Variants in COL22A1 observed in about 807,000 individuals in gnomAD.
COL22A1 encodes the protein collagen alpha-1(XXII) chain.
COL22A1 carries 221 observed loss-of-function variants against 248.9 expected under a neutral mutation model. That is an observed-to-expected ratio of 0.89 (90% CI 0.80 to 0.99). The LOEUF (loss-of-function observed/expected upper bound fraction) is 0.99, where lower values mean the gene tolerates loss of function less well. Ranked by LOEUF, COL22A1 falls within the 50% of genes least tolerant of loss-of-function variation. The pLI, the probability that COL22A1 is intolerant of heterozygous loss-of-function variation, is 0.00. For missense variants in COL22A1, 2,240 were observed against 2,179.0 expected (o/e 1.03, Z -0.56); for synonymous variants, 891 against 793.4 (o/e 1.12, Z -2.07).
At chr8:138,685,927 G>A (rs1826313245) in intron 37 of COL22A1, among the ~76,000 whole-genome samples, 2 of 152,134 alleles carry the variant, frequency 1.3e-5, no homozygotes, top group Admixed American at 6.5e-5. Context: ...CCCACCCAGT[G>A]CGGGCAAATC....
chr8:138,623,677 T>C (rs7839790), intron 52 of COL22A1, 55 bp downstream of exon 52: 1 of 1,468,266 alleles, frequency 6.8e-7, no homozygotes, highest in Non-Finnish European at 9.4e-7. Context: ...AGTAGTTGTT[T>C]TTGACATGTA....
chr8:138,786,393 C>T (rs1815519820), intron 12 of COL22A1, among the ~76,000 whole-genome samples: 1 of 152,200 alleles, frequency 6.6e-6, no homozygotes, highest in Non-Finnish European at 1.5e-5. Flanking sequence ...AAACATCCAC[C>T]TGCAAGTCAT....
In COL22A1 at chr8:138,762,463, C is replaced by G. The variant is rs1833566433; in HGVS notation, c.1807G>C (p.Glu603Gln). 1.2e-6 allele frequency: 2 copies of G among 1,614,052 alleles called. No individual in the cohort carries two copies. Among genetic ancestry groups the G allele is most frequent in the African/African-American group, 2.7e-5 (2 of 74,946 alleles). The change falls in exon 17 of 65, where the codon GAG (glutamate) becomes CAG (glutamine). Residue 603 changes from glutamate (E) to glutamine (Q), a missense_variant. Physicochemically the swap from Glu to Gln is conservative, Grantham distance 29. Coordinates refer to ENST00000303045, the MANE Select transcript of COL22A1 (RefSeq NM_152888.3). ...CCAGGGAATCCATCCAGGCCTCGCT[C>G]TCCCTGGCAAAAGAAGGCAAATGGT... is the stretch of plus-strand genomic sequence containing the variant. ...GEKGTRGEKG[E>Q]RGLDGFPGKP...
Position 138,796,675 on chromosome 8 carries a change from T to C in COL22A1, c.1596+144A>G, listed in dbSNP as rs557369745. 44 of 691,384 alleles carry C rather than the reference T, an allele frequency of 6.4e-5. No individual in the cohort carries two copies. In the East Asian group the frequency reaches 8.2e-4, roughly 13 times the overall value. The allele number at this position is 691,384 out of a possible 1,614,324, so 42.8% of individuals were successfully genotyped here. On this transcript the variant is annotated intron_variant, in intron 12 of 64. Transcript: ENST00000303045. ...CCACCCAAGCCATGGAGGACACACA[T>C]TGAGGCCAGTTACACAGCCCAGGAC...
At chr8:138,834,908 T>A (rs530979862) in intron 4 of COL22A1, among the ~76,000 whole-genome samples, 12 of 152,250 alleles carry the variant, frequency 7.9e-5, no homozygotes, top group Admixed American at 7.2e-4. Flanking sequence ...AAATCCTGGC[T>A]CCAGGAGAAC....
chr8:138,783,892 G>C (rs73720787), intron 12 of COL22A1, among the ~76,000 whole-genome samples: 1,676 of 152,256 alleles, frequency 0.011, 36 homozygotes, highest in African/African-American at 0.038. Flanking sequence ...TGAGGCCCTG[G>C]CCTACCAGAC....
At chr8:138,838,670 C>CAAAAAA (rs58257635) in intron 4 of COL22A1, among the ~76,000 whole-genome samples, 26 of 133,858 alleles carry the variant, frequency 1.9e-4, no homozygotes, top group South Asian at 2.4e-4. Flanking sequence ...CAAAGGGCAC[C>CAAAAAA]AAAAAAAAAA....
chr8:138,713,458 G>A (rs141821423), intron 30 of COL22A1, among the ~76,000 whole-genome samples: 52 of 152,312 alleles, frequency 3.4e-4, no homozygotes, highest in African/African-American at 1.2e-3. Flanking sequence ...AACATACTGA[G>A]TATACGGAAC....
At position 138,833,107 on chromosome 8, in the gene COL22A1, C is replaced by A; in HGVS notation, c.777G>T (p.Gly259=). The change falls in exon 5 of 65, where the codon GGG becomes GGT. Residue 259 remains glycine, a synonymous_variant. Coordinates refer to ENST00000303045, the MANE Select transcript of COL22A1 (RefSeq NM_152888.3). The part of the protein sequence containing the change: ...MDLFSVKEIL[G]KRENGAQSSY... ...AACTCTGAGCTCCATTCTCTCTCTT[C>A]CCCAAGATTTCCTTCACACTGAACA... 1 of 1,613,950 alleles carries A rather than the reference C, an allele frequency of 6.2e-7. No homozygotes were observed. The highest frequency in any genetic ancestry group is 8.5e-7 in the Non-Finnish European group (1 of 1,179,816).
At chr8:138,592,810 A>T (rs530999714) in intron 63 of COL22A1, among the ~76,000 whole-genome samples, 1 of 152,318 alleles carries the variant, frequency 6.6e-6, no homozygotes, top group African/African-American at 2.4e-5. Flanking sequence ...TTCAAAAATT[A>T]TTATTAATTA....
At chr8:138,655,555 T>A (rs1011049664) in intron 45 of COL22A1, among the ~76,000 whole-genome samples, 7 of 152,078 alleles carry the variant, frequency 4.6e-5, no homozygotes, top group Non-Finnish European at 8.8e-5. Context: ...TTGGTAGAGA[T>A]CAGGTCTCTC....
rs1827348142 is a variant in COL22A1 at position 138,694,627 on chromosome 8, G to T, written c.2647-66C>A. ...GGTTCTGAGCAGATGGGCGGATGGG[G>T]CGGGGACGTTGCAATGGGTATAATT... On this transcript the variant is annotated intron_variant, in intron 33 of 64. Transcript: ENST00000303045. 1.9e-6 allele frequency: 3 copies of T among 1,548,008 alleles called. 1 individual carries two copies. In the East Asian group the frequency reaches 6.8e-5, roughly 35 times the overall value.
At chr8:138,708,003 G>A (rs1828620703) in intron 30 of COL22A1, among the ~76,000 whole-genome samples, 1 of 152,126 alleles carries the variant, frequency 6.6e-6, no homozygotes, top group South Asian at 2.1e-4. Flanking sequence ...CAGAAAAACA[G>A]AGAGCCAAAT....
chr8:138,809,853 C>A (rs1285093284), intron 9 of COL22A1, among the ~76,000 whole-genome samples: 1 of 152,204 alleles, frequency 6.6e-6, no homozygotes, highest in Non-Finnish European at 1.5e-5. Flanking sequence ...TGTCTTCATA[C>A]CCTGATTGAC....
chr8:138,904,276 A>G (rs1396901486), intron 1 of COL22A1, among the ~76,000 whole-genome samples: 1 of 152,080 alleles, frequency 6.6e-6, no homozygotes, highest in African/African-American at 2.4e-5. Flanking sequence ...ATGCTTTTCC[A>G]GAATTACCCC....
chr8:138,772,818 G>T (rs193061225), intron 16 of COL22A1, among the ~76,000 whole-genome samples: 1 of 152,094 alleles, frequency 6.6e-6, no homozygotes, highest in African/African-American at 2.4e-5. Context: ...AGCCGAGATC[G>T]CACCACTGAC....
intron 37 of COL22A1, among the ~76,000 whole-genome samples, chr8:138,686,431 C>A (rs1171434196): frequency 6.6e-6 from 1 of 152,198 alleles, no homozygotes; most frequent in Non-Finnish European, 1.5e-5. Flanking sequence ...TGTTTCCAGA[C>A]ATTCTCAGAT....
chr8:138,696,166 G>A (rs374781550), intron 32 of COL22A1, among the ~76,000 whole-genome samples: 10 of 152,272 alleles, frequency 6.6e-5, no homozygotes, highest in African/African-American at 1.9e-4. Flanking sequence ...TCTCCAGGAC[G>A]GCAGATAACA....
chr8:138,591,270 A>C (rs1259330013), intron 64 of COL22A1, among the ~76,000 whole-genome samples, 154 bp downstream of exon 64: 1 of 151,354 alleles, frequency 6.6e-6, no homozygotes, highest in East Asian at 1.9e-4. Context: ...GAAATATTTA[A>C]TGAAACCAAG....
Sources: gnomAD v4.1 joint callset for allele counts (sites outside exome capture counted in the v4.1 genomes callset) on GRCh38, gnomAD v4.1.1 for gene constraint, MANE v1.5 for transcripts, NCBI Gene and HGNC (gene_info 2026-07-23, HGNC 2026-07-21) for gene names.